CD300LG: variants seen among roughly 807,000 people sequenced by gnomAD.
CD300LG encodes CD300 molecule like family member g, also known as CMRF35-like molecule 9.
Under a neutral mutation model 31.5 loss-of-function variants are expected in CD300LG, and 29 were observed. That is an observed-to-expected ratio of 0.92 (90% CI 0.68 to 1.25). The LOEUF (loss-of-function observed/expected upper bound fraction) is 1.25. Ranked by LOEUF, CD300LG falls within the 50% of genes most tolerant of loss-of-function variation. CD300LG has a pLI of 0.00. For synonymous variants in CD300LG, 175 were observed against 177.2 expected, an observed-to-expected ratio of 0.99 and a Z score of 0.10; for missense variants, 396 against 417.6, an observed-to-expected ratio of 0.95 and a Z score of 0.45.
intron 5 of CD300LG, among the ~76,000 whole-genome samples, chr17:43,856,013 C>G (rs1397740171): frequency 1.3e-5 from 2 of 152,160 alleles, no homozygotes; most frequent in Non-Finnish European, 2.9e-5. Context: ...GTGATCATGG[C>G]TCACTGCAGC....
At chr17:43,855,432 G>A in intron 5 of CD300LG, 113 bp downstream of exon 5, 1 of 578,888 alleles carries the variant, frequency 1.7e-6, no homozygotes, top group Non-Finnish European at 2.9e-6. Context: ...CAGCGTGTCT[G>A]TCTGAGATAT....
chr17:43,852,909 T>G lies in CD300LG; in HGVS notation c.380-3T>G. ...CTGAGAGCAGCCTTTCCCTTTCCTC[T>G]AGGACCCTGCTGTCCTCCCTCCCCT... On this transcript the variant is annotated splice_region_variant and splice_polypyrimidine_tract_variant and intron_variant, in intron 2 of 6. Transcript: ENST00000317310. 6.2e-7 allele frequency: 1 copy of G among 1,609,046 alleles called. No individual in the cohort carries two copies. The highest frequency in any genetic ancestry group is 1.1e-5 in the South Asian group (1 of 90,308).
At chr17:43,848,397 G>A (rs1754677338) in intron 1 of CD300LG, among the ~76,000 whole-genome samples, 161 bp from the exon 2 acceptor site, 1 of 152,176 alleles carries the variant, frequency 6.6e-6, no homozygotes, top group Non-Finnish European at 1.5e-5. Flanking sequence ...CCTGCCCCAA[G>A]TTCCCCCAGC....
At chr17:43,847,948 A>AAAAAC (rs1442366147) in intron 1 of CD300LG, among the ~76,000 whole-genome samples, 1 of 151,642 alleles carries the variant, frequency 6.6e-6, no homozygotes, top group Non-Finnish European at 1.5e-5. Context: ...GATCCTGTCT[A>AAAAAC]AAAACAAAAC....
rs1387185448 is a variant in CD300LG at position 43,848,647 on chromosome 17, GAC to G, written c.134_135del (p.Asp45AlafsTer38). ...GTGCACCTACAGGGAAGAGCTGAGG[GAC>G]CACCGGAAGTACTGGTGCAGGAAGG... is the stretch of plus-strand genomic sequence containing the variant. ...LQCTYREELR[D>X]HRKYWCRKGG... On this transcript the variant is annotated frameshift_variant, in exon 2 of 7. Transcript: ENST00000317310. LOFTEE classifies it high-confidence loss of function. The G allele has an allele frequency of 1.9e-6, 3 of 1,614,022 alleles. No homozygotes were observed. The highest frequency in any genetic ancestry group is 2.5e-6 in the Non-Finnish European group (3 of 1,180,030).
At chr17:43,853,070 G>C in intron 3 of CD300LG, 57 bp downstream of exon 3, 1 of 1,416,192 alleles carries the variant, frequency 7.1e-7, no homozygotes, top group Non-Finnish European at 9.9e-7. Flanking sequence ...GAAGCAGCCA[G>C]TGAGTGCCTG....
chr17:43,848,613 G>T lies in CD300LG; in HGVS notation c.99G>T (p.Val33=). 1 of 1,614,058 alleles carries T rather than the reference G, an allele frequency of 6.2e-7. No homozygotes were observed. Among genetic ancestry groups the T allele is most frequent in the Non-Finnish European group, 8.5e-7 (1 of 1,179,944 alleles). Residue 33 remains valine (V), a synonymous_variant, in exon 2 of 7, where the codon GTG becomes GTT. Transcript: ENST00000317310. The part of the protein sequence containing the change: ...EEISGFEGDT[V]SLQCTYREEL... ...TCAGCGGGTTCGAAGGGGACACTGT[G>T]TCCCTGCAGTGCACCTACAGGGAAG...
chr17:43,853,956 G>C lies in CD300LG; in HGVS notation c.631G>C (p.Ala211Pro). 1 of 1,614,166 alleles carries C rather than the reference G, an allele frequency of 6.2e-7. No individual in the cohort carries two copies. Among genetic ancestry groups the C allele is most frequent in the Admixed American group, 1.7e-5 (1 of 60,030 alleles). ...TSPHPATSPP[A>P]GSSRPPMQLD... is the part of the protein sequence containing the mutation. ...TCCTCACCCAGCGACCTCTCCTCCT[G>C]CAGGGAGCTCCCGCCCCCCCATGCA... is the stretch of plus-strand genomic sequence containing the variant. Residue 211 changes from alanine to proline, a missense_variant, in exon 4 of 7, where the codon GCA becomes CCA. Transcript: ENST00000317310.
At chr17:43,858,694 T>G in intron 6 of CD300LG, 1 of 985,442 alleles carries the variant, frequency 1.0e-6, no homozygotes, top group Non-Finnish European at 1.2e-6. Context: ...CCCTTGTGGC[T>G]TCTCCATAGG....
chr17:43,853,332 C>T lies in CD300LG; in HGVS notation c.481+319C>T, dbSNP rs2046414927. On this transcript the variant is annotated intron_variant, in intron 3 of 6. Transcript: ENST00000317310. ...CTGACCTCTGGACTCATCCTGCCAC[C>T]CTGCCCTTCCTGGTCTCATGGCTGC... Among the ~76,000 whole-genome samples the T allele has an allele frequency of 1.3e-5, 2 of 152,212 alleles. 1 individual carries two copies.
chr17:43,858,442 A>G lies in CD300LG; in HGVS notation c.885+1286A>G, dbSNP rs1162782825. The G allele has an allele frequency of 1.8e-5, 18 of 985,330 alleles. No individual in the cohort carries two copies. The Admixed American group carries it at 1.1e-3, about 61-fold the overall frequency. The allele number at this position is 985,330 out of a possible 1,614,324, so 61.0% of individuals were successfully genotyped here. Reference sequence around the variant, plus strand: ...AGCGCCGGAACCAGCCACAGCTCCCATGCTACTGCCTTCTGGCAACCCTGA... The same window carrying G: ...AGCGCCGGAACCAGCCACAGCTCCCGTGCTACTGCCTTCTGGCAACCCTGA... On this transcript the variant is annotated intron_variant, in intron 6 of 6. Transcript: ENST00000317310.
intron 6 of CD300LG, chr17:43,857,498 C>T: frequency 1.3e-6 from 2 of 1,517,854 alleles, no homozygotes; most frequent in Non-Finnish European, 1.8e-6. Flanking sequence ...CCAGATGAAG[C>T]CTTTGAGATC....
At position 43,848,903 on chromosome 17, in the gene CD300LG, A is replaced by G. The variant is rs766533868; in HGVS notation, c.379+10A>G. The G allele has an allele frequency of 1.2e-6, 2 of 1,602,130 alleles. No homozygotes were observed. Among genetic ancestry groups the G allele is most frequent in the Non-Finnish European group, 1.7e-6 (2 of 1,170,462 alleles). Reference sequence around the variant, plus strand: ...CTGTTCGTCTTTCCAGGTAACAGATATCTCTCCTTCCCCAGGCTGGGGACA... The same window carrying G: ...CTGTTCGTCTTTCCAGGTAACAGATGTCTCTCCTTCCCCAGGCTGGGGACA... On this transcript the variant is annotated intron_variant, in intron 2 of 6. Transcript: ENST00000317310.
intron 6 of CD300LG, chr17:43,858,161 G>T: frequency 1.6e-6 from 2 of 1,257,822 alleles, no homozygotes; most frequent in Non-Finnish European, 1.0e-6. Context: ...ACTCAGGCCT[G>T]GTCACCCCAA....
rs1303066822 is a variant in CD300LG, at chr17:43,855,401, C to G, written c.832+82C>G. ...GAGACCTGCAGCTCCCCATCCAGCCCTGGAAAGACCCTGTGGGTCTCAGCG... is the reference window on the plus strand; with the variant it reads ...GAGACCTGCAGCTCCCCATCCAGCCGTGGAAAGACCCTGTGGGTCTCAGCG... On this transcript the variant is annotated intron_variant, in intron 5 of 6. Transcript: ENST00000317310. 9.1e-6 allele frequency: 7 copies of G among 765,506 alleles called. No individual in the cohort carries two copies. In the East Asian group the frequency reaches 1.8e-4, roughly 20 times the overall value. 47.4% of individuals were successfully genotyped at this position (765,506 alleles called of 1,614,324 possible).
At chr17:43,860,214 T>C (rs1204528854) in intron 6 of CD300LG, among the ~76,000 whole-genome samples, 1 of 152,120 alleles carries the variant, frequency 6.6e-6, no homozygotes. Flanking sequence ...AGCTTGGGTC[T>C]GCAGTCAGAC....
In CD300LG at chr17:43,861,760, T is replaced by A. The variant is rs993627978; in HGVS notation, c.886-38T>A. ...CCCTCACACCTCCCACCCCTTCATC[T>A]GGGTTCTGCTCTCCAAACCCCACTG... On this transcript the variant is annotated intron_variant, in intron 6 of 6. Coordinates refer to ENST00000317310, the MANE Select transcript of CD300LG (RefSeq NM_145273.4). 4.3e-6 allele frequency: 6 copies of A among 1,410,794 alleles called. No individual in the cohort carries two copies. In the African/African-American group the frequency reaches 8.7e-5, roughly 20 times the overall value. The allele number at this position is 1,410,794 out of a possible 1,614,324, so 87.4% of individuals were successfully genotyped here.
chr17:43,858,819 T>C (rs2046594736), intron 6 of CD300LG, among the ~76,000 whole-genome samples: 2 of 152,152 alleles, frequency 1.3e-5, no homozygotes, highest in Admixed American at 1.3e-4. Context: ...CACAGGGGTG[T>C]GAAAACCCTG....
intron 3 of CD300LG, 108 bp downstream of exon 3, chr17:43,853,121 C>G: frequency 4.4e-6 from 4 of 903,010 alleles, no homozygotes; most frequent in South Asian, 1.8e-5. Context: ...CCTAGGTGTC[C>G]CCACAAGCCT....
Sources: allele counts gnomAD v4.1 joint callset (sites outside exome capture counted in the v4.1 genomes callset), GRCh38; gene constraint gnomAD v4.1.1; transcripts MANE v1.5; gene names NCBI Gene and HGNC (gene_info 2026-07-23, HGNC 2026-07-21).